The following TOX variants were observed in gnomAD, a reference collection of about 807,000 sequenced individuals.
The protein encoded by TOX is thymocyte selection associated high mobility group box.
Under a neutral mutation model 53.7 loss-of-function variants are expected in TOX, and 11 were observed. That is an observed-to-expected ratio of 0.20 (90% CI 0.13 to 0.34). TOX has a LOEUF of 0.34. Among genes scored for constraint, TOX ranks in the 10% least tolerant of loss-of-function variants. The pLI, the probability that TOX is intolerant of heterozygous loss-of-function variation, is 1.00. For synonymous variants in TOX, 225 were observed against 245.3 expected (o/e 0.92, Z 0.77); for missense variants, 570 against 664.6 (o/e 0.86, Z 1.56).
At chr8:59,017,818 CT>C (rs558382953) in intron 1 of TOX, among the ~76,000 whole-genome samples, 33 of 152,168 alleles carry the variant, frequency 2.2e-4, no homozygotes, top group Middle Eastern at 3.4e-3. Context: ...ATAACTGAAG[CT>C]TTAGTTCAGA....
At chr8:58,831,870 G>C (rs1810458511) in intron 5 of TOX, among the ~76,000 whole-genome samples, 1 of 152,060 alleles carries the variant, frequency 6.6e-6, no homozygotes, top group Non-Finnish European at 1.5e-5. Flanking sequence ...AATGGAAACA[G>C]TGGACTGATA....
intron 1 of TOX, among the ~76,000 whole-genome samples, chr8:58,977,376 G>C (rs1268488179): frequency 1.3e-5 from 2 of 152,184 alleles, no homozygotes; most frequent in South Asian, 4.1e-4. Context: ...ATTAGGCCTT[G>C]GTTTAAGGGA....
At chr8:58,815,257 T>C (rs1203838022) in intron 7 of TOX, 81 bp downstream of exon 7, 2 of 1,501,232 alleles carry the variant, frequency 1.3e-6, no homozygotes, top group Non-Finnish European at 1.8e-6. Context: ...AATCCTGTCC[T>C]GGATAAACAG....
chr8:59,006,336 G>T (rs946660372), intron 1 of TOX, among the ~76,000 whole-genome samples: 1 of 152,192 alleles, frequency 6.6e-6, no homozygotes, highest in Non-Finnish European at 1.5e-5. Context: ...TAACGCACTG[G>T]GTTCTGCCAC....
chr8:58,938,689 GTT>G (rs1812386916), intron 3 of TOX, among the ~76,000 whole-genome samples: 1 of 152,152 alleles, frequency 6.6e-6, no homozygotes, highest in Non-Finnish European at 1.5e-5. Flanking sequence ...TAGTTTGCTG[GTT>G]GATACACATT....
chr8:58,910,859 A>G (rs1585895495), intron 3 of TOX, among the ~76,000 whole-genome samples: 1 of 152,170 alleles, frequency 6.6e-6, no homozygotes, highest in African/African-American at 2.4e-5. Context: ...GTATTTATCA[A>G]GGAGATTCAA....
intron 7 of TOX, among the ~76,000 whole-genome samples, chr8:58,813,205 T>A (rs1033059800): frequency 2.6e-5 from 4 of 152,232 alleles, no homozygotes; most frequent in Non-Finnish European, 4.4e-5. Flanking sequence ...CATGTGGTCT[T>A]ATGTAAATCT....
chr8:59,119,104 C>G lies in TOX; in HGVS notation c.-117G>C. ...CTGGGCTCAGGAGTAAAAGAAACAC[C>G]TTCCTTCCCTCACATCCGTTTGTGG... On this transcript the variant is annotated 5_prime_UTR_variant, in exon 1 of 9. Transcript: ENST00000361421. The G allele has an allele frequency of 1.6e-6, 1 of 607,846 alleles. No homozygotes were observed. Among genetic ancestry groups the G allele is most frequent in the Non-Finnish European group, 2.9e-6 (1 of 349,314 alleles). 37.7% of individuals were successfully genotyped at this position (607,846 alleles called of 1,614,324 possible).
At chr8:58,825,260 G>A (rs777259258) in intron 6 of TOX, among the ~76,000 whole-genome samples, 1 of 152,056 alleles carries the variant, frequency 6.6e-6, no homozygotes, top group Non-Finnish European at 1.5e-5. Flanking sequence ...ATAGATGGTT[G>A]TACATAAATA....
Position 58,851,552 on chromosome 8 carries a change from T to C in TOX, c.665A>G (p.His222Arg). 6.2e-7 allele frequency: 1 copy of C among 1,613,274 alleles called. No individual in the cohort carries two copies. Among genetic ancestry groups the C allele is most frequent in the Non-Finnish European group, 8.5e-7 (1 of 1,179,662 alleles). ...AGAGGTATCATCGCCTTCATCTTCA[T>C]GCACTGAACTGGATGGTGAAGGAGT... Reference protein sequence around the residue: ...SATPSPSSSVHEDEGDDTSKI... With the variant: ...SATPSPSSSVREDEGDDTSKI... The change falls in exon 4 of 9, where the codon CAT becomes CGT. Residue 222 changes from histidine (H) to arginine (R), a missense_variant. Physicochemically the swap from His to Arg is conservative, Grantham distance 29 (BLOSUM62 0). This residue lies in a region of TOX where 282 missense variants were observed against 315.0 expected (regional missense o/e 0.90). Transcript: ENST00000361421. This position sits in a 1 kb window ranked among gnomAD's most constrained non-coding sequence, Gnocchi z 4.4.
At chr8:58,936,847 T>C (rs572439607) in intron 3 of TOX, among the ~76,000 whole-genome samples, 1 of 152,258 alleles carries the variant, frequency 6.6e-6, no homozygotes, top group South Asian at 2.1e-4. Context: ...AGACCTATAC[T>C]CTCTAACACA....
At chr8:58,960,221 G>C (rs1173798832) in intron 1 of TOX, among the ~76,000 whole-genome samples, 3 of 152,124 alleles carry the variant, frequency 2.0e-5, no homozygotes, top group African/African-American at 7.2e-5. Context: ...CAGTGATTTG[G>C]AGTAATTAGT....
chr8:58,806,171 T>C lies in TOX; in HGVS notation c.*1576A>G, dbSNP rs988696501. ...ATCTCTGGTACCTTAAGAATCCTCT[T>C]GGAAGACCCAGGAATTCTGGAATGA... is the stretch of plus-strand genomic sequence containing the variant. On this transcript the variant is annotated 3_prime_UTR_variant, in exon 9 of 9. Coordinates refer to ENST00000361421, the MANE Select transcript of TOX (RefSeq NM_014729.3). The C allele has an allele frequency of 6.6e-6, 1 of 152,222 alleles. No homozygotes were observed. The highest frequency in any genetic ancestry group is 2.4e-5 in the African/African-American group (1 of 41,446). 9.4% of individuals were successfully genotyped at this position (152,222 alleles called of 1,614,324 possible). A position where few individuals can be genotyped will look rare whatever the true frequency, so the allele number is the denominator to read the frequency against.
intron 1 of TOX, among the ~76,000 whole-genome samples, chr8:59,028,324 G>A (rs1341181146): frequency 6.6e-6 from 1 of 151,606 alleles, no homozygotes; most frequent in East Asian, 1.9e-4. Flanking sequence ...GCTATAATAC[G>A]AGCTACAAAA....
intron 2 of TOX, among the ~76,000 whole-genome samples, chr8:58,945,598 G>A (rs1812511671): frequency 6.6e-6 from 1 of 152,100 alleles, no homozygotes; most frequent in Admixed American, 6.5e-5. Flanking sequence ...CATGTTCCAT[G>A]ATCTGAGTAT....
At chr8:58,906,556 G>A (rs1406595857) in intron 3 of TOX, among the ~76,000 whole-genome samples, 1 of 152,148 alleles carries the variant, frequency 6.6e-6, no homozygotes, top group Admixed American at 6.5e-5. Flanking sequence ...TTTATTTACA[G>A]TTTGGTTTTT....
intron 4 of TOX, among the ~76,000 whole-genome samples, chr8:58,846,825 G>A (rs914026715): frequency 2.0e-5 from 3 of 152,102 alleles, no homozygotes; most frequent in Non-Finnish European, 4.4e-5. Context: ...TAATGGGAGT[G>A]GTCCTGTTAA....
At chr8:58,970,816 A>G (rs1240467058) in intron 1 of TOX, among the ~76,000 whole-genome samples, 2 of 152,230 alleles carry the variant, frequency 1.3e-5, no homozygotes, top group African/African-American at 2.4e-5. Context: ...GTCACAACTA[A>G]AAGTATTTCA....
intron 1 of TOX, among the ~76,000 whole-genome samples, chr8:58,987,500 G>A (rs922829110): frequency 6.6e-6 from 1 of 152,170 alleles, no homozygotes; most frequent in African/African-American, 2.4e-5. Context: ...AACTTTGAAG[G>A]TACATTATAA....
Sources: gnomAD v4.1 joint callset for allele counts (sites outside exome capture counted in the v4.1 genomes callset) on GRCh38, gnomAD v4.1.1 for gene constraint, gnomAD v4.1.1 regional missense constraint, Gnocchi (gnomAD v3.1) non-coding constraint, MANE v1.5 for transcripts, NCBI Gene and HGNC (gene_info 2026-07-23, HGNC 2026-07-21) for gene names.